The following RPTOR variants were observed in gnomAD, a reference collection of about 807,000 sequenced individuals.
RPTOR encodes regulatory-associated protein of mTOR.
In RPTOR, 21 loss-of-function variants were observed where a neutral mutation model predicts 169.9. The ratio of observed to expected loss-of-function variants is 0.12; its 90% CI spans 0.09 to 0.18. The LOEUF (loss-of-function observed/expected upper bound fraction) is 0.18. Among genes scored for constraint, RPTOR ranks in the 10% least tolerant of loss-of-function variants. The pLI is 1.00. For missense variants in RPTOR, 1,133 were observed against 1,855.9 expected, an observed-to-expected ratio of 0.61 and a Z score of 7.16; for synonymous variants, 732 against 753.2, an observed-to-expected ratio of 0.97 and a Z score of 0.46.
intron 17 of RPTOR, among the ~76,000 whole-genome samples, chr17:80,887,054 G>A (rs1426425528): frequency 6.6e-6 from 1 of 152,118 alleles, no homozygotes; most frequent in African/African-American, 2.4e-5. Flanking sequence ...TATGGAGGGT[G>A]AGCAGGAGAA....
Position 80,960,690 on chromosome 17 carries a change from T to G in RPTOR, c.3605+485T>G, listed in dbSNP as rs1261856942. ...CCCCTGTGGGCAGGTGCTGTCCGCG[T>G]CTGGCAGAGGACAGGGTACACGCAT... On this transcript the variant is annotated intron_variant, in intron 30 of 33. Transcript: ENST00000306801. This position sits in a 1 kb window ranked among gnomAD's most constrained non-coding sequence, Gnocchi z 4.8. The G allele has an allele frequency of 5.4e-6, 1 of 186,710 alleles. No individual in the cohort carries two copies. Among genetic ancestry groups the G allele is most frequent in the Non-Finnish European group, 1.1e-5 (1 of 90,410 alleles). 11.6% of individuals were successfully genotyped at this position (186,710 alleles called of 1,614,324 possible). A position where few individuals can be genotyped will look rare whatever the true frequency, so the allele number is the denominator to read the frequency against.
chr17:80,609,412 A>T lies in RPTOR; in HGVS notation c.163-16279A>T, dbSNP rs2065253793. Among the ~76,000 whole-genome samples, 1 of 152,212 alleles carries T rather than the reference A, an allele frequency of 6.6e-6. No individual in the cohort carries two copies. The highest frequency in any genetic ancestry group is 1.5e-5 in the Non-Finnish European group (1 of 68,036). Reference sequence around the variant, plus strand: ...TGGAAGCTTCCAGATTAGTAGTTTAAGCCAGAAAACAATGTTGATACGTCT... The same window carrying T: ...TGGAAGCTTCCAGATTAGTAGTTTATGCCAGAAAACAATGTTGATACGTCT... On this transcript the variant is annotated intron_variant, in intron 1 of 33. Transcript: ENST00000306801. This position sits in a 1 kb window ranked among gnomAD's most constrained non-coding sequence, Gnocchi z 4.8.
At chr17:80,779,894 C>T (rs187530371) in intron 6 of RPTOR, among the ~76,000 whole-genome samples, 2 of 152,244 alleles carry the variant, frequency 1.3e-5, no homozygotes, top group East Asian at 1.9e-4. Context: ...GAGTGAGCTC[C>T]GTTCTCGGGG....
At chr17:80,832,075 C>T (rs1414488639) in intron 9 of RPTOR, among the ~76,000 whole-genome samples, 1 of 152,202 alleles carries the variant, frequency 6.6e-6, no homozygotes, top group Non-Finnish European at 1.5e-5. Context: ...ATACGGAGGG[C>T]ATGCAGCCAA....
chr17:80,684,409 T>C (rs2065920484), intron 3 of RPTOR, among the ~76,000 whole-genome samples: 3 of 3,274 alleles, frequency 9.2e-4, no homozygotes, highest in South Asian at 0.019. Context: ...TACATGTTTA[T>C]TTATTTATTT....
At chr17:80,677,400 C>A (rs954223701) in intron 3 of RPTOR, among the ~76,000 whole-genome samples, 41 of 152,324 alleles carry the variant, frequency 2.7e-4, no homozygotes, top group African/African-American at 9.6e-4. Context: ...GGATTTTGGC[C>A]TGCTTAAAGC....
At chr17:80,559,937 T>C (rs1274425545) in intron 1 of RPTOR, among the ~76,000 whole-genome samples, 2 of 152,246 alleles carry the variant, frequency 1.3e-5, no homozygotes, top group Non-Finnish European at 2.9e-5. Context: ...AATTGGCTCA[T>C]GCTGTCTAGA....
intron 1 of RPTOR, chr17:80,602,674 G>T (rs528574660): frequency 1.5e-5 from 11 of 711,772 alleles, no homozygotes; most frequent in South Asian, 1.4e-4. Flanking sequence ...AACCACGCAC[G>T]GATGCGGTAG....
chr17:80,688,575 A>G (rs2065966532), intron 3 of RPTOR, among the ~76,000 whole-genome samples: 1 of 152,210 alleles, frequency 6.6e-6, no homozygotes, highest in Non-Finnish European at 1.5e-5. Flanking sequence ...AGAAAGAAGA[A>G]GGGACGGCCG....
At chr17:80,852,411 C>G (rs2672895) in intron 11 of RPTOR, among the ~76,000 whole-genome samples, 16,190 of 152,058 alleles carry the variant, frequency 0.11, 908 homozygotes, top group Non-Finnish European at 0.13. Context: ...CGACAGCCCC[C>G]GAGTTAAGCA....
chr17:80,751,316 AGGGGCAGTGCCC>A (rs1326339874), intron 5 of RPTOR, among the ~76,000 whole-genome samples: 1 of 152,180 alleles, frequency 6.6e-6, no homozygotes, highest in Non-Finnish European at 1.5e-5. Flanking sequence ...CCCTAAAATC[AGGGGCAGTGCCC>A]GGCACTCTGG....
At chr17:80,888,498 C>T (rs1002034103) in intron 17 of RPTOR, among the ~76,000 whole-genome samples, 3 of 152,198 alleles carry the variant, frequency 2.0e-5, no homozygotes, top group African/African-American at 7.2e-5. Flanking sequence ...GTTGTTGGAG[C>T]GGAGTGGGTG....
At chr17:80,587,765 C>T (rs1175047627) in intron 1 of RPTOR, among the ~76,000 whole-genome samples, 1 of 149,554 alleles carries the variant, frequency 6.7e-6, no homozygotes, top group East Asian at 2.0e-4. Flanking sequence ...CATCACCACA[C>T]ATATGTATCT....
chr17:80,809,516 CATT>C (rs2067252401), intron 7 of RPTOR, among the ~76,000 whole-genome samples: 4 of 152,156 alleles, frequency 2.6e-5, no homozygotes, highest in East Asian at 1.9e-4. Context: ...AACACAATAT[CATT>C]ATTATTTTAA....
At chr17:80,733,021 G>C (rs2066405135) in intron 5 of RPTOR, among the ~76,000 whole-genome samples, 1 of 152,186 alleles carries the variant, frequency 6.6e-6, no homozygotes, top group Non-Finnish European at 1.5e-5. Context: ...GGACCAGAAA[G>C]CCTCCAAATA....
chr17:80,657,797 T>C (rs1036742203), intron 3 of RPTOR, among the ~76,000 whole-genome samples: 1 of 152,242 alleles, frequency 6.6e-6, no homozygotes, highest in Non-Finnish European at 1.5e-5. Context: ...AATGTAGTTA[T>C]TGATACACTG....
chr17:80,726,624 T>C lies in RPTOR; in HGVS notation c.508-3936T>C, dbSNP rs1296440203. Among the ~76,000 whole-genome samples, 1 of 152,030 alleles carries C rather than the reference T, an allele frequency of 6.6e-6. No homozygotes were observed. The highest frequency in any genetic ancestry group is 1.5e-5 in the Non-Finnish European group (1 of 67,996). On this transcript the variant is annotated intron_variant, in intron 4 of 33. Transcript: ENST00000306801. The surrounding 1 kb of genome is among the most constrained non-coding windows in gnomAD (Gnocchi z 4.5). ...GACCCTCGGGGTTGTACCTAGAAGGTAGTAAAGATGACAGCAGCCCCCGTT... is the reference window on the plus strand; with the variant it reads ...GACCCTCGGGGTTGTACCTAGAAGGCAGTAAAGATGACAGCAGCCCCCGTT...
intron 25 of RPTOR, among the ~76,000 whole-genome samples, chr17:80,940,874 C>G (rs1234665267): frequency 6.6e-6 from 1 of 152,174 alleles, no homozygotes; most frequent in African/African-American, 2.4e-5. Context: ...GAGGGCTCTC[C>G]CGGGACCCTG....
chr17:80,709,388 TCTC>T (rs1343079477), intron 4 of RPTOR, among the ~76,000 whole-genome samples: 1 of 152,152 alleles, frequency 6.6e-6, no homozygotes, highest in Non-Finnish European at 1.5e-5. Context: ...CTTCCCTGGC[TCTC>T]CTCTGTGGAG....
Sources: gnomAD v4.1 joint callset for allele counts (sites outside exome capture counted in the v4.1 genomes callset) on GRCh38, gnomAD v4.1.1 for gene constraint, Gnocchi (gnomAD v3.1) non-coding constraint, MANE v1.5 for transcripts, NCBI Gene and HGNC (gene_info 2026-07-23, HGNC 2026-07-21) for gene names.